Variants in SGCZ observed in about 807,000 individuals in gnomAD.
SGCZ encodes sarcoglycan zeta.
Under a neutral mutation model 41.3 loss-of-function variants are expected in SGCZ, and 40 were observed. The observed-to-expected ratio is 0.97, with a 90% CI of 0.75 to 1.26. The LOEUF (loss-of-function observed/expected upper bound fraction) is 1.26. SGCZ is among the 50% of genes most tolerant of loss of function. SGCZ has a pLI of 0.00. For synonymous variants in SGCZ, 206 were observed against 137.5 expected (o/e 1.50, Z -3.49); for missense variants, 552 against 369.8 (o/e 1.49, Z -4.04).
At chr8:14,195,698 G>C (rs12678124) in intron 4 of SGCZ, among the ~76,000 whole-genome samples, 105,252 of 152,012 alleles carry the variant, frequency 0.69, 36,961 homozygotes, top group East Asian at 0.8. Flanking sequence ...AGATAAGGAA[G>C]GCAGCTGATT....
chr8:14,911,013 T>A (rs568833494), intron 1 of SGCZ, among the ~76,000 whole-genome samples: 1 of 152,164 alleles, frequency 6.6e-6, no homozygotes, highest in Admixed American at 6.5e-5. Context: ...ATAATACACA[T>A]CCTTACTTTG....
At chr8:14,120,348 A>G (rs1482074799) in intron 5 of SGCZ, among the ~76,000 whole-genome samples, 1 of 152,212 alleles carries the variant, frequency 6.6e-6, no homozygotes, top group Non-Finnish European at 1.5e-5. Flanking sequence ...TTAGGAAATG[A>G]GAACAGAAGT....
intron 2 of SGCZ, among the ~76,000 whole-genome samples, chr8:14,475,795 C>T (rs768417782): frequency 1.3e-5 from 2 of 152,026 alleles, no homozygotes; most frequent in African/African-American, 2.4e-5. Context: ...TATATTAGTT[C>T]AAATAGTACA....
chr8:14,746,503 T>C (rs930544580), intron 1 of SGCZ, among the ~76,000 whole-genome samples: 9 of 152,142 alleles, frequency 5.9e-5, no homozygotes, highest in Admixed American at 5.9e-4. Context: ...TATATTCATA[T>C]TTCCTCATTC....
chr8:14,536,415 T>C (rs900658227), intron 2 of SGCZ, among the ~76,000 whole-genome samples: 1 of 151,916 alleles, frequency 6.6e-6, no homozygotes, highest in African/African-American at 2.4e-5. Flanking sequence ...CCAAATGCTA[T>C]CTAAATTTGA....
At chr8:14,568,971 A>AT (rs1445231267) in intron 1 of SGCZ, among the ~76,000 whole-genome samples, 1 of 152,166 alleles carries the variant, frequency 6.6e-6, no homozygotes, top group African/African-American at 2.4e-5. Context: ...AGTTATAGAC[A>AT]TTTTTTTATT....
Position 15,080,018 on chromosome 8 carries a change from G to A in SGCZ, c.39+157567C>T, listed in dbSNP as rs530668661. 7.3e-4 allele frequency among the ~76,000 whole-genome samples: 110 copies of A among 151,658 alleles called. 1 individual carries two copies. Among genetic ancestry groups the A allele is most frequent in the African/African-American group, 2.2e-3 (92 of 41,362 alleles). On this transcript the variant is annotated intron_variant, in intron 1 of 7. Coordinates refer to ENST00000382080, the MANE Select transcript of SGCZ (RefSeq NM_139167.4). ...TTTCTGTTCCATTTCTTCTCCAGCC[G>A]GTCCTCTATTTTTCCTTCGCCATTT...
intron 1 of SGCZ, among the ~76,000 whole-genome samples, chr8:14,926,687 C>T (rs1563368318): frequency 6.6e-6 from 1 of 152,104 alleles, no homozygotes. Context: ...TGTTGCCAGA[C>T]TGGAGTGCAG....
chr8:14,598,411 G>C (rs1312768230), intron 1 of SGCZ, among the ~76,000 whole-genome samples: 1 of 151,644 alleles, frequency 6.6e-6, no homozygotes, highest in Non-Finnish European at 1.5e-5. Context: ...CTAATTTTAT[G>C]TCTTTATGTT....
intron 1 of SGCZ, among the ~76,000 whole-genome samples, chr8:14,815,204 C>G (rs1163206472): frequency 6.7e-6 from 1 of 149,682 alleles, no homozygotes; most frequent in East Asian, 2.0e-4. Context: ...AATTTTTCTG[C>G]AGAATAATTC....
Position 14,494,538 on chromosome 8 carries a change from C to CCA in SGCZ, c.234+60192_234+60193dup, listed in dbSNP as rs376607185. 2.0e-5 allele frequency among the ~76,000 whole-genome samples: 3 copies of CCA among 151,740 alleles called. No individual in the cohort carries two copies. In the East Asian group the frequency reaches 5.8e-4, roughly 29 times the overall value. ...ACATGCACACACACAAACACGCACA[C>CCA]CACACACACACACGCTCCTTACAGC... On this transcript the variant is annotated intron_variant, in intron 2 of 7. Coordinates refer to ENST00000382080, the MANE Select transcript of SGCZ (RefSeq NM_139167.4).
intron 1 of SGCZ, among the ~76,000 whole-genome samples, chr8:14,941,710 A>C (rs1454241008): frequency 6.6e-6 from 1 of 151,634 alleles, no homozygotes; most frequent in East Asian, 1.9e-4. Flanking sequence ...TATTAGAGAG[A>C]GTTTGTACAT....
At chr8:14,682,542 C>T (rs1808482192) in intron 1 of SGCZ, among the ~76,000 whole-genome samples, 1 of 151,892 alleles carries the variant, frequency 6.6e-6, no homozygotes, top group African/African-American at 2.4e-5. Flanking sequence ...TCACGCCATC[C>T]TCCTGCCTCA....
At chr8:14,479,731 C>CTTTTTTTTTT (rs529812029) in intron 2 of SGCZ, among the ~76,000 whole-genome samples, 611 of 52,840 alleles carry the variant, frequency 0.012, 53 homozygotes, top group East Asian at 0.021. Context: ...AATTCTACTT[C>CTTTTTTTTTT]TTTTTTTTTT....
At chr8:15,154,217 C>T (rs1317585313) in intron 1 of SGCZ, among the ~76,000 whole-genome samples, 1 of 152,178 alleles carries the variant, frequency 6.6e-6, no homozygotes, top group Admixed American at 6.6e-5. Context: ...CTAACACAGT[C>T]AGCTTTCACT....
At chr8:14,192,944 G>A (rs1805150962) in intron 4 of SGCZ, among the ~76,000 whole-genome samples, 1 of 151,910 alleles carries the variant, frequency 6.6e-6, no homozygotes, top group African/African-American at 2.4e-5. Context: ...ATATTCAAAG[G>A]TATGATTAAA....
intron 1 of SGCZ, among the ~76,000 whole-genome samples, chr8:15,136,400 G>A (rs1303614775): frequency 6.6e-6 from 1 of 151,868 alleles, no homozygotes; most frequent in Non-Finnish European, 1.5e-5. Flanking sequence ...CTTGATAAGA[G>A]GCATGAGCTT....
intron 1 of SGCZ, among the ~76,000 whole-genome samples, chr8:15,000,533 G>A (rs1802379144): frequency 6.6e-6 from 1 of 152,138 alleles, no homozygotes; most frequent in Non-Finnish European, 1.5e-5. Context: ...CAAGCTAGGA[G>A]CTTGCATGGG....
rs1563458699 is a variant in SGCZ at position 15,038,832 on chromosome 8, A to AAAG, written c.39+198752_39+198753insCTT. On this transcript the variant is annotated intron_variant, in intron 1 of 7. Coordinates refer to ENST00000382080, the MANE Select transcript of SGCZ (RefSeq NM_139167.4). ...CATTTCTCAAAAAAAAAAAAAAAAA[A>AAAG]AAAAAAAGAAAGAAAGAAAGAAAAC... Among the ~76,000 whole-genome samples the AAAG allele has an allele frequency of 1.1e-4, 16 of 140,518 alleles. No homozygotes were observed. The East Asian group carries it at 1.2e-3, about 11-fold the overall frequency. The allele number at this position is 140,518 out of a possible 152,430, so 92.2% of individuals were successfully genotyped here.
Sources: allele counts gnomAD v4.1 joint callset (sites outside exome capture counted in the v4.1 genomes callset), GRCh38; gene constraint gnomAD v4.1.1; transcripts MANE v1.5; gene names NCBI Gene and HGNC (gene_info 2026-07-23, HGNC 2026-07-21).